SMARCA4: variants seen among roughly 807,000 people sequenced by gnomAD.
SMARCA4 encodes SWI/SNF-related matrix-associated actin-dependent regulator of chromatin subfamily A member 4.
Under a neutral mutation model 193.9 loss-of-function variants are expected in SMARCA4, and 31 were observed. The ratio of observed to expected loss-of-function variants is 0.16; its 90% CI spans 0.12 to 0.22. The LOEUF (loss-of-function observed/expected upper bound fraction) is 0.22, where lower values mean the gene tolerates loss of function less well. SMARCA4 is among the 10% of genes least tolerant of loss of function. The probability of loss-of-function intolerance (pLI) is 1.00; values close to 1 mark genes in which losing one functional copy is unlikely to be tolerated. For missense variants in SMARCA4, 1,148 were observed against 2,296.0 expected, an observed-to-expected ratio of 0.50 and a Z score of 10.22; for synonymous variants, 942 against 933.1, an observed-to-expected ratio of 1.01 and a Z score of -0.17.
At chr19:11,044,388 GT>G (rs1415049697) in intron 30 of SMARCA4, among the ~76,000 whole-genome samples, 1 of 152,182 alleles carries the variant, frequency 6.6e-6, no homozygotes, top group Non-Finnish European at 1.5e-5. Flanking sequence ...AATAACATCT[GT>G]TTATTAATGG....
intron 15 of SMARCA4, chr19:11,012,477 T>G (rs2088946299): frequency 5.0e-6 from 1 of 201,820 alleles, no homozygotes; most frequent in Admixed American, 5.2e-5. Context: ...AATAGTCTTC[T>G]GTTTAAGGCC....
At position 11,030,995 on chromosome 19, in the gene SMARCA4, T is replaced by C. The variant is rs772520061; in HGVS notation, c.3546+102T>C. ...GAGGGTCCTCCAGCCTCCTCCACAT[T>C]GTCTTGGACCCCAGGAGCCGGGAGG... On this transcript the variant is annotated intron_variant, in intron 25 of 34. Coordinates refer to ENST00000344626, the MANE Select transcript of SMARCA4 (RefSeq NM_003072.5). The surrounding 1 kb of genome is among the most constrained non-coding windows in gnomAD (Gnocchi z 5.5). 1 of 1,105,952 alleles carries C rather than the reference T, an allele frequency of 9.0e-7. No homozygotes were observed. The highest frequency in any genetic ancestry group is 1.3e-6 in the Non-Finnish European group (1 of 751,598). 68.5% of individuals were successfully genotyped at this position (1,105,952 alleles called of 1,614,324 possible). A position where few individuals can be genotyped will look rare whatever the true frequency, so the allele number is the denominator to read the frequency against.
At position 10,984,416 on chromosome 19, in the gene SMARCA4, A is replaced by G. The variant is rs1219096862; in HGVS notation, c.222+43A>G. On this transcript the variant is annotated intron_variant, in intron 2 of 34. Transcript: ENST00000344626. The surrounding 1 kb of genome is among the most constrained non-coding windows in gnomAD (Gnocchi z 4.3). ...CGCCTCGCACCTGCGGCCTCTGCCCACTAGGGCTGCAGGCAGCCTCTGGAC... is the reference window on the plus strand; with the variant it reads ...CGCCTCGCACCTGCGGCCTCTGCCCGCTAGGGCTGCAGGCAGCCTCTGGAC... 1.9e-6 allele frequency: 3 copies of G among 1,552,072 alleles called. No homozygotes were observed. Among genetic ancestry groups the G allele is most frequent in the African/African-American group, 1.4e-5 (1 of 73,240 alleles).
chr19:11,025,701 G>T (rs889927101), intron 22 of SMARCA4, 193 bp downstream of exon 22: 2 of 605,428 alleles, frequency 3.3e-6, no homozygotes, highest in Admixed American at 4.4e-5. Context: ...AGGGCGCAAC[G>T]TGCGATAGGA....
In SMARCA4 at chr19:11,039,464, A is replaced by G. The variant is rs1600445175; in HGVS notation, c.4171-1843A>G. 5 of 1,595,166 alleles carry G rather than the reference A, an allele frequency of 3.1e-6. No homozygotes were observed. Among genetic ancestry groups the G allele is most frequent in the Non-Finnish European group, 4.3e-6 (5 of 1,171,612 alleles). ...TTAAAAAATTTTGTTGTAGAAAATT[A>G]CAGGAAAAGATATCCATGACACAGC... On this transcript the variant is annotated intron_variant, in intron 29 of 34. Transcript: ENST00000344626.
At chr19:10,981,033 T>C (rs572687376) in intron 1 of SMARCA4, among the ~76,000 whole-genome samples, 1 of 152,328 alleles carries the variant, frequency 6.6e-6, no homozygotes, top group East Asian at 1.9e-4. Context: ...ATTACAGGCG[T>C]GCTGGATTGT....
intron 14 of SMARCA4, 150 bp from the exon 15 acceptor site, chr19:11,010,231 C>G: frequency 1.1e-6 from 1 of 913,538 alleles, no homozygotes. Flanking sequence ...CCTGGCCTCA[C>G]ACTGTCCGGC....
At chr19:10,996,829 C>T (rs2087104374) in intron 11 of SMARCA4, among the ~76,000 whole-genome samples, 1 of 152,144 alleles carries the variant, frequency 6.6e-6, no homozygotes, top group Non-Finnish European at 1.5e-5. Context: ...CCAGAGATGT[C>T]CTGTGTGTTC....
chr19:11,049,661 CA>C (rs1382349998), intron 30 of SMARCA4, among the ~76,000 whole-genome samples: 2 of 152,242 alleles, frequency 1.3e-5, no homozygotes, highest in African/African-American at 2.4e-5. Flanking sequence ...GCATGTGTGT[CA>C]GGGGGCACAC....
chr19:11,059,491 C>T (rs924040768), intron 32 of SMARCA4, among the ~76,000 whole-genome samples: 2 of 152,248 alleles, frequency 1.3e-5, no homozygotes, highest in African/African-American at 4.8e-5. Flanking sequence ...AGGGAGGCAC[C>T]TGCAGCTATT....
At position 11,041,354 on chromosome 19, in the gene SMARCA4, G is replaced by A. The variant is rs780353455; in HGVS notation, c.4218G>A (p.Gln1406=). 1 of 1,612,628 alleles carries A rather than the reference G, an allele frequency of 6.2e-7. No homozygotes were observed. Among genetic ancestry groups the A allele is most frequent in the East Asian group, 2.2e-5 (1 of 44,876 alleles). ...AGGAGATCGAAGAGGAGGTCCGGCA[G>A]AAGAAATCATCACGGAAGCGCAAGC... ...TLEEIEEEVR[Q]KKSSRKRKRD... Residue 1406 remains glutamine, a synonymous_variant, in exon 30 of 35, where the codon CAG becomes CAA. Transcript: ENST00000344626. The surrounding 1 kb of genome is among the most constrained non-coding windows in gnomAD (Gnocchi z 5.6).
chr19:11,037,018 T>G (rs4804563), intron 29 of SMARCA4, among the ~76,000 whole-genome samples: 61,989 of 152,142 alleles, frequency 0.41, 12,884 homozygotes, highest in East Asian at 0.57. Flanking sequence ...TCACATTCGG[T>G]TTTTCTGTCC....
chr19:10,995,920 G>C (rs900075756), intron 9 of SMARCA4: 16 of 474,476 alleles, frequency 3.4e-5, no homozygotes, highest in African/African-American at 1.4e-4. Flanking sequence ...TGGAGAGAAG[G>C]CTTCGGGTTT....
chr19:10,980,243 C>T (rs573701652), intron 1 of SMARCA4, among the ~76,000 whole-genome samples: 2 of 152,274 alleles, frequency 1.3e-5, no homozygotes, highest in South Asian at 4.1e-4. Context: ...CAGCCTGACT[C>T]TAGAGGCAGC....
intron 24 of SMARCA4, among the ~76,000 whole-genome samples, chr19:11,029,647 G>A (rs891748958): frequency 6.6e-6 from 1 of 152,220 alleles, no homozygotes; most frequent in East Asian, 1.9e-4. Context: ...GGCATGTGTA[G>A]GCTGGTGGCA....
chr19:10,989,741 A>C (rs1600002582), intron 7 of SMARCA4, among the ~76,000 whole-genome samples: 2 of 143,930 alleles, frequency 1.4e-5, no homozygotes, highest in African/African-American at 2.6e-5. Flanking sequence ...TTGCTCTATC[A>C]CCTAGGCTGG....
At chr19:11,042,145 T>C (rs1479700890) in intron 30 of SMARCA4, among the ~76,000 whole-genome samples, 1 of 152,256 alleles carries the variant, frequency 6.6e-6, no homozygotes, top group Non-Finnish European at 1.5e-5. Context: ...TGGAGATCGC[T>C]GTCCTCACAG....
At position 11,030,669 on chromosome 19, in the gene SMARCA4, G is replaced by T. The variant is rs146785959; in HGVS notation, c.3383-61G>T. ...CTGCTCTCAGAAGCAGGTGTTCCTT[G>T]GTGTCCCCACTCTACCCCTGAGGTC... On this transcript the variant is annotated intron_variant, in intron 24 of 34. Transcript: ENST00000344626. The surrounding 1 kb of genome is among the most constrained non-coding windows in gnomAD (Gnocchi z 5.5). 2.0e-6 allele frequency: 3 copies of T among 1,487,544 alleles called. No homozygotes were observed. Among genetic ancestry groups the T allele is most frequent in the Non-Finnish European group, 2.8e-6 (3 of 1,084,086 alleles). The allele number at this position is 1,487,544 out of a possible 1,614,324, so 92.1% of individuals were successfully genotyped here.
At chr19:11,038,567 C>G (rs1166222950) in intron 29 of SMARCA4, among the ~76,000 whole-genome samples, 1 of 152,188 alleles carries the variant, frequency 6.6e-6, no homozygotes, top group African/African-American at 2.4e-5. Context: ...TCTGGTGTCT[C>G]TCTCTTCCCT....
Sources: allele counts gnomAD v4.1 joint callset (sites outside exome capture counted in the v4.1 genomes callset), GRCh38; gene constraint gnomAD v4.1.1; non-coding constraint Gnocchi (gnomAD v3.1); transcripts MANE v1.5; gene names NCBI Gene and HGNC (gene_info 2026-07-23, HGNC 2026-07-21).